Variants in GATM observed in about 807,000 individuals in gnomAD.
GATM encodes the protein glycine amidinotransferase, mitochondrial.
A neutral mutation model predicts 54.2 loss-of-function variants in GATM; 23 were observed. The observed-to-expected ratio is 0.42, with a 90% CI of 0.31 to 0.60. GATM has a LOEUF of 0.60. Ranked by LOEUF, GATM falls within the 20% of genes least tolerant of loss-of-function variation. The pLI, the probability that GATM is intolerant of heterozygous loss-of-function variation, is 0.14. For missense variants in GATM, 401 were observed against 544.9 expected (o/e 0.74, Z 2.63); for synonymous variants, 168 against 183.1 (o/e 0.92, Z 0.67).
chr15:45,391,322 G>A (rs1305455471), intron 3 of GATM, among the ~76,000 whole-genome samples: 2 of 151,944 alleles, frequency 1.3e-5, no homozygotes, highest in Non-Finnish European at 2.9e-5. Flanking sequence ...TGAGGCAGGA[G>A]AATTACTTGA....
intron 3 of GATM, among the ~76,000 whole-genome samples, chr15:45,394,420 G>T (rs1211302415): frequency 6.6e-6 from 1 of 152,130 alleles, no homozygotes; most frequent in South Asian, 2.1e-4. Flanking sequence ...CTGAAGTAGA[G>T]GAAAGACAGA....
At chr15:45,388,344 T>C (rs1889830469) in intron 3 of GATM, among the ~76,000 whole-genome samples, 1 of 152,226 alleles carries the variant, frequency 6.6e-6, no homozygotes. Flanking sequence ...CGCCCTGTTT[T>C]GGTTTACCCT....
intron 6 of GATM, among the ~76,000 whole-genome samples, chr15:45,365,845 G>A (rs1471139128): frequency 1.3e-5 from 2 of 152,184 alleles, no homozygotes; most frequent in East Asian, 3.8e-4. Context: ...ACTAATTATT[G>A]TGTCAACTAT....
intron 2 of GATM, among the ~76,000 whole-genome samples, chr15:45,372,610 G>C (rs533800549): frequency 1.1e-4 from 16 of 152,144 alleles, no homozygotes; most frequent in Non-Finnish European, 1.5e-5. Flanking sequence ...GGGACAAGAA[G>C]CCTTTGAAAA....
At chr15:45,400,667 T>C (rs1029832302) in intron 1 of GATM, among the ~76,000 whole-genome samples, 1 of 152,236 alleles carries the variant, frequency 6.6e-6, no homozygotes. Context: ...TCAGAAAATT[T>C]TGAGGCCGAT....
At chr15:45,380,303 G>A (rs1889723460), upstream of GATM, among the ~76,000 whole-genome samples, 1 of 150,806 alleles carries the variant, frequency 6.6e-6, no homozygotes, top group Non-Finnish European at 1.5e-5. Context: ...CTAGCAATAA[G>A]GAGGCCCCCA....
At position 45,376,775 on chromosome 15, in the gene GATM, G is replaced by T; in HGVS notation, c.114C>A (p.Ser38Arg). 6.2e-7 allele frequency: 1 copy of T among 1,614,170 alleles called. No homozygotes were observed. The highest frequency in any genetic ancestry group is 8.5e-7 in the Non-Finnish European group (1 of 1,180,032). The change falls in exon 2 of 9, where the codon AGC becomes AGA. Residue 38 changes from serine (S) to arginine (R), a missense_variant. Coordinates refer to ENST00000396659, the MANE Select transcript of GATM (RefSeq NM_001482.3). ...GGGAGGAAGCCGTAGCTGCCTGGGT[G>T]CTCTGGAAAGTTCGCTGCACCCATC... ...LTGWVQRTFQ[S>R]TQAATASSRN...
Position 45,368,001 on chromosome 15 carries a change from T to A in GATM, c.675+69A>T. 1 of 1,373,672 alleles carries A rather than the reference T, an allele frequency of 7.3e-7. No individual in the cohort carries two copies. The highest frequency in any genetic ancestry group is 1.0e-6 in the Non-Finnish European group (1 of 968,032). 85.1% of individuals were successfully genotyped at this position (1,373,672 alleles called of 1,614,324 possible). On this transcript the variant is annotated intron_variant, in intron 4 of 8. Coordinates refer to ENST00000396659, the MANE Select transcript of GATM (RefSeq NM_001482.3). This position sits in a 1 kb window ranked among gnomAD's most constrained non-coding sequence, Gnocchi z 5.1. ...ATAATATATACAAGGTATCAGAGAATCTCTATCTTACTCTTTGTGGATCAT... is the reference window on the plus strand; with the variant it reads ...ATAATATATACAAGGTATCAGAGAAACTCTATCTTACTCTTTGTGGATCAT...
intron 3 of GATM, among the ~76,000 whole-genome samples, chr15:45,387,127 T>C (rs1889813173): frequency 6.6e-6 from 1 of 152,228 alleles, no homozygotes; most frequent in Non-Finnish European, 1.5e-5. Flanking sequence ...AAGGCTTGAT[T>C]TAGTAATGAC....
At chr15:45,371,651 C>T (rs1889546125) in intron 2 of GATM, among the ~76,000 whole-genome samples, 1 of 152,176 alleles carries the variant, frequency 6.6e-6, no homozygotes, top group Admixed American at 6.5e-5. Context: ...CACATGCTTG[C>T]TAGCTATCTG....
At chr15:45,380,154 C>T (rs1303529875), upstream of GATM, 1 of 114,174 alleles carries the variant, frequency 8.8e-6, no homozygotes, top group East Asian at 2.7e-4. Flanking sequence ...AAAAAAAAAG[C>T]CGGGCATGGT....
intron 2 of GATM, among the ~76,000 whole-genome samples, chr15:45,372,800 T>A (rs1016082722): frequency 4.6e-5 from 7 of 152,208 alleles, no homozygotes; most frequent in African/African-American, 1.4e-4. Context: ...CTGGCAAAGG[T>A]TGGGCAAAGT....
At chr15:45,399,755 A>G (rs1889976290) in intron 1 of GATM, among the ~76,000 whole-genome samples, 1 of 152,214 alleles carries the variant, frequency 6.6e-6, no homozygotes, top group South Asian at 2.1e-4. Flanking sequence ...CACAGTTGAG[A>G]ACACCAACGT....
At position 45,368,248 on chromosome 15, in the gene GATM, G is replaced by A; in HGVS notation, c.497C>T (p.Ala166Val). 1 of 1,613,778 alleles carries A rather than the reference G, an allele frequency of 6.2e-7. No individual in the cohort carries two copies. Among genetic ancestry groups the A allele is most frequent in the Non-Finnish European group, 8.5e-7 (1 of 1,179,964 alleles). Residue 166 changes from alanine to valine, a missense_variant, in exon 4 of 9, where the codon GCA (alanine) becomes GTA (valine). Ala to Val is a moderately conservative substitution (Grantham distance 64). Transcript: ENST00000396659. The surrounding 1 kb of genome is among the most constrained non-coding windows in gnomAD (Gnocchi z 5.1). ...AACTATCAGGATGTCTCGAGGCATTGCACTGTATAAACCTGTCAGACCAAA... is the reference window on the plus strand; with the variant it reads ...AACTATCAGGATGTCTCGAGGCATTACACTGTATAAACCTGTCAGACCAAA... ...PDFESTGLYS[A>V]MPRDILIVVG...
intron 1 of GATM, 125 bp from the exon 2 acceptor site, chr15:45,376,944 A>G: frequency 1.2e-6 from 1 of 849,230 alleles, no homozygotes; most frequent in Non-Finnish European, 1.9e-6. Context: ...AGAACAGCAT[A>G]AACCAAGACG....
At chr15:45,376,978 G>A in intron 1 of GATM, 159 bp from the exon 2 acceptor site, 1 of 685,492 alleles carries the variant, frequency 1.5e-6, no homozygotes. Flanking sequence ...GGTGGGTAGT[G>A]GGATTACAGA....
intron 2 of GATM, among the ~76,000 whole-genome samples, chr15:45,371,048 T>C (rs1305801203): frequency 5.3e-5 from 8 of 152,204 alleles, no homozygotes; most frequent in African/African-American, 1.2e-4. Flanking sequence ...GCTGGGATTA[T>C]AGGTGTGAGC....
Position 45,364,821 on chromosome 15 carries a change from G to A in GATM, c.1018C>T (p.Pro340Ser). The A allele has an allele frequency of 1.2e-6, 2 of 1,613,792 alleles. No individual in the cohort carries two copies. The highest frequency in any genetic ancestry group is 1.7e-6 in the Non-Finnish European group (2 of 1,179,840). Residue 340 changes from proline (P) to serine (S), a missense_variant, in exon 7 of 9, where the codon CCT (proline) becomes TCT (serine). Coordinates refer to ENST00000396659, the MANE Select transcript of GATM (RefSeq NM_001482.3). ...FKKAGWTIITPPTPIIPDDHP... is the reference protein window; with the variant it reads ...FKKAGWTIITSPTPIIPDDHP... The stretch of plus-strand genomic sequence containing the variant: ...CCGTCTGGGATGATTGGTGTTGGAG[G>A]AGTAATGATAGTCCATCCTGCTTTC...
At chr15:45,401,176 G>C (rs991967008) in intron 1 of GATM, among the ~76,000 whole-genome samples, 1 of 152,160 alleles carries the variant, frequency 6.6e-6, no homozygotes, top group Non-Finnish European at 1.5e-5. Context: ...GTAAGTTACT[G>C]TCAAGTCAAG....
Sources: gnomAD v4.1 joint callset for allele counts (sites outside exome capture counted in the v4.1 genomes callset) on GRCh38, gnomAD v4.1.1 for gene constraint, Gnocchi (gnomAD v3.1) non-coding constraint, MANE v1.5 for transcripts, NCBI Gene and HGNC (gene_info 2026-07-23, HGNC 2026-07-21) for gene names.